Variants in ASIC2 observed in about 807,000 individuals in gnomAD.
ASIC2 encodes the protein acid sensing ion channel subunit 2.
Under a neutral mutation model 57.3 loss-of-function variants are expected in ASIC2, and 25 were observed. The observed-to-expected ratio is 0.44, with a 90% CI of 0.32 to 0.61. The LOEUF (loss-of-function observed/expected upper bound fraction) is 0.61. ASIC2 is among the 20% of genes least tolerant of loss of function. The pLI, the probability that ASIC2 is intolerant of heterozygous loss-of-function variation, is 0.06. For synonymous variants in ASIC2, 319 were observed against 307.5 expected (o/e 1.04, Z -0.39); for missense variants, 641 against 738.1 (o/e 0.87, Z 1.52).
chr17:33,873,978 T>C (rs1914486768), intron 1 of ASIC2, among the ~76,000 whole-genome samples: 1 of 152,230 alleles, frequency 6.6e-6, no homozygotes, highest in African/African-American at 2.4e-5. Flanking sequence ...TCTTTCAGGC[T>C]GAATTCTGCT....
intron 1 of ASIC2, among the ~76,000 whole-genome samples, chr17:33,489,526 C>T (rs1411763431): frequency 6.6e-6 from 1 of 152,156 alleles, no homozygotes; most frequent in African/African-American, 2.4e-5. Context: ...GATTGCCAGC[C>T]CCCACCCAAG....
intron 1 of ASIC2, among the ~76,000 whole-genome samples, chr17:34,088,385 T>A (rs1248337464): frequency 6.6e-6 from 1 of 152,190 alleles, no homozygotes; most frequent in Non-Finnish European, 1.5e-5. Flanking sequence ...TGCTGCTGTC[T>A]GATTGTTCCT....
intron 1 of ASIC2, among the ~76,000 whole-genome samples, chr17:33,601,085 T>A (rs1209758383): frequency 1.3e-5 from 2 of 152,238 alleles, no homozygotes; most frequent in Admixed American, 1.3e-4. Context: ...GAGAGAAATA[T>A]TTTAAAGATG....
chr17:34,053,850 G>T (rs1045287647), intron 1 of ASIC2, among the ~76,000 whole-genome samples: 1 of 152,202 alleles, frequency 6.6e-6, no homozygotes, highest in Non-Finnish European at 1.5e-5. Flanking sequence ...GGGACTAATT[G>T]GCAGATATTG....
rs1027316471 is a variant in ASIC2 at position 33,684,327 on chromosome 17, AG to A, written c.555+471650del. 1.4e-4 allele frequency among the ~76,000 whole-genome samples: 21 copies of A among 151,380 alleles called. 1 individual carries two copies. Among genetic ancestry groups the A allele is most frequent in the East Asian group, 1.9e-4 (1 of 5,190 alleles). Reference sequence around the variant, plus strand: ...CTCCCAGCCCGACCCTGGGGTGGGGAGGGGGGTGCTCTTCAGAGTGGCTCAT... The same window carrying A: ...CTCCCAGCCCGACCCTGGGGTGGGGAGGGGGTGCTCTTCAGAGTGGCTCAT... On this transcript the variant is annotated intron_variant, in intron 1 of 9. Transcript: ENST00000359872.
chr17:33,282,241 T>C (rs1324885436), intron 1 of ASIC2, among the ~76,000 whole-genome samples: 1 of 152,170 alleles, frequency 6.6e-6, no homozygotes, highest in Non-Finnish European at 1.5e-5. Context: ...TACCTTATAG[T>C]TCTGGAGGTC....
chr17:33,401,324 C>A (rs1285809134), intron 1 of ASIC2, among the ~76,000 whole-genome samples: 1 of 152,082 alleles, frequency 6.6e-6, no homozygotes, highest in Admixed American at 6.5e-5. Context: ...ATTCCTTTCT[C>A]CCCCTCTTCC....
chr17:33,744,151 G>C (rs890656233), intron 1 of ASIC2, among the ~76,000 whole-genome samples: 111 of 152,168 alleles, frequency 7.3e-4, no homozygotes, highest in Non-Finnish European at 4.3e-4. Flanking sequence ...CTCTTATTAA[G>C]AGCAATGAGT....
chr17:33,840,799 C>CCACACACACA (rs10525634), intron 1 of ASIC2, among the ~76,000 whole-genome samples: 18 of 147,584 alleles, frequency 1.2e-4, no homozygotes, highest in African/African-American at 3.2e-4. Flanking sequence ...CCTGGACACA[C>CCACACACACA]CACACACACA....
intron 1 of ASIC2, among the ~76,000 whole-genome samples, chr17:33,980,010 G>A (rs1349409600): frequency 2.0e-5 from 3 of 152,046 alleles, no homozygotes; most frequent in Admixed American, 6.5e-5. Context: ...AGTATTCCTG[G>A]TATTCTGAGC....
chr17:33,222,092 T>G (rs1250354177), intron 1 of ASIC2, among the ~76,000 whole-genome samples: 1 of 152,192 alleles, frequency 6.6e-6, no homozygotes, highest in East Asian at 1.9e-4. Context: ...CCTGGGATGC[T>G]TTTTGTAGTT....
intron 1 of ASIC2, among the ~76,000 whole-genome samples, chr17:33,516,492 C>T (rs1482263386): frequency 6.6e-6 from 1 of 152,018 alleles, no homozygotes; most frequent in Non-Finnish European, 1.5e-5. Context: ...CTCAACCTAA[C>T]TACACATTAG....
Position 33,292,843 on chromosome 17 carries a change from C to T in ASIC2, c.-728G>A, listed in dbSNP as rs1180512475. ...GAGACCTGCTTAGGCTTCCCCAAGT[C>T]CTGCGCCTAAGTCCTGCCAGGCGCC... On this transcript the variant is annotated 5_prime_UTR_variant, in exon 1 of 10. Transcript: ENST00000225823. 3 of 985,476 alleles carry T rather than the reference C, an allele frequency of 3.0e-6. No homozygotes were observed. Among genetic ancestry groups the T allele is most frequent in the Non-Finnish European group, 3.6e-6 (3 of 830,056 alleles). 61.0% of individuals were successfully genotyped at this position (985,476 alleles called of 1,614,324 possible).
At chr17:33,713,800 T>C (rs1909128146) in intron 1 of ASIC2, among the ~76,000 whole-genome samples, 1 of 152,276 alleles carries the variant, frequency 6.6e-6, no homozygotes, top group South Asian at 2.1e-4. Flanking sequence ...AAGTAGTTAA[T>C]GCATTTGTCT....
chr17:33,054,445 G>C (rs908067638), intron 3 of ASIC2, among the ~76,000 whole-genome samples: 2 of 152,178 alleles, frequency 1.3e-5, no homozygotes, highest in Non-Finnish European at 2.9e-5. Context: ...GCCTCTAAGG[G>C]CTTTTCCGGT....
intron 1 of ASIC2, among the ~76,000 whole-genome samples, chr17:33,205,915 G>C (rs564680074): frequency 6.6e-6 from 1 of 152,290 alleles, no homozygotes; most frequent in South Asian, 2.1e-4. Context: ...CCCATTCTGA[G>C]ACCACGGTTT....
chr17:33,087,575 G>GTTTTTTTTTTTTTTTTTT (rs5820015), intron 3 of ASIC2, among the ~76,000 whole-genome samples: 34 of 111,038 alleles, frequency 3.1e-4, no homozygotes, highest in African/African-American at 1.2e-3. Context: ...TACAACCAGT[G>GTTTTTTTTTTTTTTTTTT]TTTTTTTTTT....
At chr17:33,832,173 T>C (rs1913133998) in intron 1 of ASIC2, among the ~76,000 whole-genome samples, 1 of 152,260 alleles carries the variant, frequency 6.6e-6, no homozygotes, top group Admixed American at 6.5e-5. Flanking sequence ...TTTTGCCTTT[T>C]ATTCTCCCTC....
chr17:33,755,418 A>G (rs913161854), intron 1 of ASIC2, among the ~76,000 whole-genome samples: 2 of 152,150 alleles, frequency 1.3e-5, no homozygotes, highest in Non-Finnish European at 2.9e-5. Context: ...GCAACAGGAA[A>G]CGAATACAGC....
Sources: gnomAD v4.1 joint callset for allele counts (sites outside exome capture counted in the v4.1 genomes callset) on GRCh38, gnomAD v4.1.1 for gene constraint, MANE v1.5 for transcripts, NCBI Gene and HGNC (gene_info 2026-07-23, HGNC 2026-07-21) for gene names.